Variants in LPAR1 observed in about 807,000 individuals in gnomAD.
LPAR1 encodes the protein lysophosphatidic acid receptor 1, also known as LPA receptor 1.
LPAR1 carries 5 observed loss-of-function variants against 23.8 expected under a neutral mutation model. That is an observed-to-expected ratio of 0.21 (90% CI 0.11 to 0.44). The LOEUF (loss-of-function observed/expected upper bound fraction) is 0.44. Ranked by LOEUF, LPAR1 falls within the 20% of genes least tolerant of loss-of-function variation. The pLI, the probability that LPAR1 is intolerant of heterozygous loss-of-function variation, is 0.99. For missense variants in LPAR1, 311 were observed against 482.8 expected (o/e 0.64, Z 3.33); for synonymous variants, 160 against 164.7 (o/e 0.97, Z 0.22).
At chr9:111,012,070 C>T (rs1287842198) in intron 2 of LPAR1, among the ~76,000 whole-genome samples, 1 of 152,040 alleles carries the variant, frequency 6.6e-6, no homozygotes, top group Non-Finnish European at 1.5e-5. Context: ...GACAACATAG[C>T]GAGACCCTGT....
At position 110,941,012 on chromosome 9, in the gene LPAR1, T is replaced by C. The variant is rs925196760; in HGVS notation, c.793+409A>G. On this transcript the variant is annotated intron_variant, in intron 5 of 5. Transcript: ENST00000683809. This position sits in a 1 kb window ranked among gnomAD's most constrained non-coding sequence, Gnocchi z 6.1. ...TACAGAATAGACTAACAAAAATAAC[T>C]ATATATGGAAGCATATTCATATTCT... Among the ~76,000 whole-genome samples the C allele has an allele frequency of 6.6e-6, 1 of 152,212 alleles. No homozygotes were observed. Among genetic ancestry groups the C allele is most frequent in the Admixed American group, 6.5e-5 (1 of 15,274 alleles).
At chr9:110,996,048 A>G (rs1484718912) in intron 2 of LPAR1, among the ~76,000 whole-genome samples, 2 of 152,166 alleles carry the variant, frequency 1.3e-5, no homozygotes, top group African/African-American at 4.8e-5. Flanking sequence ...TGACCTAAAA[A>G]CCAACCGGAG....
At chr9:110,898,433 G>A (rs2087272634) in intron 5 of LPAR1, among the ~76,000 whole-genome samples, 2 of 152,148 alleles carry the variant, frequency 1.3e-5, no homozygotes, top group Admixed American at 6.5e-5. Context: ...GTATTGTAGT[G>A]ACAGCTTCCA....
At chr9:110,886,707 G>GAAAATA (rs1273029860) in intron 5 of LPAR1, among the ~76,000 whole-genome samples, 1 of 152,062 alleles carries the variant, frequency 6.6e-6, no homozygotes, top group African/African-American at 2.4e-5. Context: ...TCTTCACATA[G>GAAAATA]AAAATAACTC....
At chr9:111,000,819 C>T (rs1405354966) in intron 2 of LPAR1, among the ~76,000 whole-genome samples, 1 of 152,148 alleles carries the variant, frequency 6.6e-6, no homozygotes, top group Non-Finnish European at 1.5e-5. Context: ...GGAAGCTTTG[C>T]CACTTTTCCA....
chr9:110,920,817 T>C (rs946621966), intron 5 of LPAR1, among the ~76,000 whole-genome samples: 2 of 152,130 alleles, frequency 1.3e-5, no homozygotes. Flanking sequence ...TACAAAGATA[T>C]TGTAGTATAT....
intron 5 of LPAR1, among the ~76,000 whole-genome samples, chr9:110,879,417 C>CAAAAAAAAAAA (rs71371692): frequency 2.1e-5 from 1 of 47,178 alleles, no homozygotes; most frequent in African/African-American, 9.9e-5. Context: ...GACTCCATCT[C>CAAAAAAAAAAA]AAAAAAAAAA....
chr9:110,921,192 T>G (rs2766993), intron 5 of LPAR1, among the ~76,000 whole-genome samples: 50,394 of 151,998 alleles, frequency 0.33, 9,570 homozygotes, highest in Non-Finnish European at 0.43. Flanking sequence ...GACGATGGCT[T>G]GAGACCAGGA....
chr9:110,992,852 G>C (rs562945749), intron 2 of LPAR1, among the ~76,000 whole-genome samples: 3 of 152,274 alleles, frequency 2.0e-5, no homozygotes, highest in African/African-American at 7.2e-5. Context: ...ATGAGGGAAG[G>C]ATTTCAAACA....
chr9:110,896,787 C>CTTTTT (rs3030133), intron 5 of LPAR1, among the ~76,000 whole-genome samples: 5 of 126,354 alleles, frequency 4.0e-5, no homozygotes, highest in Non-Finnish European at 6.5e-5. Flanking sequence ...TTAGTGAAAT[C>CTTTTT]TTTTTTTTTT....
intron 2 of LPAR1, among the ~76,000 whole-genome samples, chr9:111,005,002 A>C (rs1229823680): frequency 2.0e-5 from 3 of 151,856 alleles, no homozygotes; most frequent in Non-Finnish European, 4.4e-5. Flanking sequence ...CTCTACAAAA[A>C]ACAAACAAAC....
intron 4 of LPAR1, among the ~76,000 whole-genome samples, chr9:110,960,441 T>C (rs12345986): frequency 0.38 from 58,192 of 152,040 alleles, 11,901 homozygotes; most frequent in Non-Finnish European, 0.45. Flanking sequence ...CAATTAATGG[T>C]CTGGGCAAAG....
chr9:111,025,178 C>T (rs1476467302), intron 2 of LPAR1, among the ~76,000 whole-genome samples: 1 of 152,142 alleles, frequency 6.6e-6, no homozygotes, highest in Non-Finnish European at 1.5e-5. Context: ...AGTATAAAAG[C>T]ATTCCTATTT....
chr9:110,880,970 A>G (rs1194143613), intron 5 of LPAR1, among the ~76,000 whole-genome samples: 2 of 152,224 alleles, frequency 1.3e-5, no homozygotes, highest in Admixed American at 6.5e-5. Flanking sequence ...AAGTGGCCAC[A>G]GATGCAAAGC....
At chr9:110,909,544 T>C (rs1363330578) in intron 5 of LPAR1, among the ~76,000 whole-genome samples, 1 of 152,090 alleles carries the variant, frequency 6.6e-6, no homozygotes, top group African/African-American at 2.4e-5. Context: ...TTTTAGAAAT[T>C]GAAGGTTTGT....
intron 2 of LPAR1, among the ~76,000 whole-genome samples, chr9:110,977,747 G>A (rs920821653): frequency 6.8e-6 from 1 of 147,672 alleles, no homozygotes; most frequent in South Asian, 2.2e-4. Flanking sequence ...TTCTGCACAT[G>A]TATCCCGGAA....
At chr9:111,030,271 C>A (rs2097772754) in intron 2 of LPAR1, among the ~76,000 whole-genome samples, 2 of 152,118 alleles carry the variant, frequency 1.3e-5, no homozygotes, top group African/African-American at 2.4e-5. Context: ...TGTGGAACTA[C>A]AATAAATAGT....
intron 2 of LPAR1, among the ~76,000 whole-genome samples, chr9:110,980,636 G>A (rs1260806437): frequency 1.3e-5 from 2 of 151,756 alleles, no homozygotes; most frequent in Admixed American, 6.6e-5. Context: ...AGGGGACAGG[G>A]AGGGATAGGG....
intron 5 of LPAR1, among the ~76,000 whole-genome samples, chr9:110,879,372 C>CACT (rs2080051980): frequency 7.4e-6 from 1 of 136,054 alleles, no homozygotes; most frequent in Admixed American, 8.1e-5. Flanking sequence ...GAGCCAAGCT[C>CACT]ACACCACCAC....
Sources: allele counts gnomAD v4.1 joint callset (sites outside exome capture counted in the v4.1 genomes callset), GRCh38; gene constraint gnomAD v4.1.1; non-coding constraint Gnocchi (gnomAD v3.1); transcripts MANE v1.5; gene names NCBI Gene and HGNC (gene_info 2026-07-23, HGNC 2026-07-21).